The following PDXDC1 variants were observed in gnomAD, a reference collection of about 807,000 sequenced individuals.
PDXDC1 encodes pyridoxal dependent decarboxylase domain containing 1.
A neutral mutation model predicts 100.1 loss-of-function variants in PDXDC1; 42 were observed. The ratio of observed to expected loss-of-function variants is 0.42; its 90% CI spans 0.33 to 0.54. The LOEUF is 0.54. PDXDC1 is among the 20% of genes least tolerant of loss of function. The probability of loss-of-function intolerance (pLI) is 0.10; values close to 1 mark genes in which losing one functional copy is unlikely to be tolerated. For missense variants in PDXDC1, 636 were observed against 979.2 expected, an observed-to-expected ratio of 0.65 and a Z score of 4.68; for synonymous variants, 260 against 371.7, an observed-to-expected ratio of 0.70 and a Z score of 3.46.
intron 13 of PDXDC1, among the ~76,000 whole-genome samples, chr16:15,023,790 G>A (rs2042380103): frequency 6.6e-6 from 1 of 152,288 alleles, no homozygotes; most frequent in African/African-American, 2.4e-5. Flanking sequence ...TGGACCACTG[G>A]AGAAGCAGAA....
At chr16:15,035,092 C>T (rs929228128) in intron 21 of PDXDC1, among the ~76,000 whole-genome samples, 2 of 152,174 alleles carry the variant, frequency 1.3e-5, no homozygotes, top group Admixed American at 1.3e-4. Flanking sequence ...CATTCTTTCC[C>T]AGGAAACGAT....
downstream of PDXDC1, among the ~76,000 whole-genome samples, chr16:15,140,447 CAAAAAAAAAA>C (rs888007915): frequency 2.6e-5 from 1 of 39,080 alleles, no homozygotes; most frequent in African/African-American, 9.6e-5. Context: ...AGCTCCATCT[CAAAAAAAAAA>C]AAAAAAAAAA....
At chr16:15,071,051 G>A (rs2045203676) in intron 16 of PDXDC1, 1 of 1,365,206 alleles carries the variant, frequency 7.3e-7, no homozygotes, top group Admixed American at 2.2e-5. Flanking sequence ...AGATATTTCT[G>A]ACTTGAGACA....
chr16:15,089,146 T>C (rs1206921089), intron 16 of PDXDC1, among the ~76,000 whole-genome samples: 2 of 150,878 alleles, frequency 1.3e-5, no homozygotes, highest in Non-Finnish European at 3.0e-5. Flanking sequence ...CTACTGAAAA[T>C]ACAAAAAAAT....
intron 3 of PDXDC1, among the ~76,000 whole-genome samples, chr16:14,998,777 C>G (rs983327450): frequency 1.3e-5 from 2 of 152,266 alleles, no homozygotes; most frequent in Admixed American, 6.5e-5. Context: ...AAACCAGTGT[C>G]TTATCATCAT....
the PDXDC1 span, among the ~76,000 whole-genome samples, chr16:15,148,811 G>C: frequency 5.9e-5 from 9 of 152,080 alleles, no homozygotes; most frequent in Admixed American, 2.6e-4. Context: ...GTGGGCGCTC[G>C]GGTGCCCCAC....
rs1201199173 is a variant in PDXDC1 at position 14,988,640 on chromosome 16, G to T, written c.22-9113G>T. Reference sequence around the variant, plus strand: ...GCTGGCCACGGGACTCCACGGACTCGTGTAGGTAGGGCTTGCCCTCGGCAT... The same window carrying T: ...GCTGGCCACGGGACTCCACGGACTCTTGTAGGTAGGGCTTGCCCTCGGCAT... On this transcript the variant is annotated intron_variant, in intron 1 of 22. Transcript: ENST00000396410. The T allele has an allele frequency of 1.3e-5, 21 of 1,613,808 alleles. No homozygotes were observed. In the East Asian group the frequency reaches 4.5e-4, roughly 34 times the overall value.
intron 1 of PDXDC1, among the ~76,000 whole-genome samples, chr16:14,993,610 C>T (rs1429400955): frequency 3.3e-5 from 5 of 152,290 alleles, no homozygotes; most frequent in Admixed American, 3.3e-4. Flanking sequence ...CATACGTGTG[C>T]ATGTGTCTTT....
At chr16:15,019,587 A>G (rs1158740892) in intron 12 of PDXDC1, among the ~76,000 whole-genome samples, 1 of 152,284 alleles carries the variant, frequency 6.6e-6, no homozygotes, top group Non-Finnish European at 1.5e-5. Context: ...TCAAGGTGCC[A>G]GGAGATTCCA....
Position 15,037,854 on chromosome 16 carries a change from G to A in PDXDC1, c.*1579G>A. 5 of 518,808 alleles carry A rather than the reference G, an allele frequency of 9.6e-6. No individual in the cohort carries two copies. Among genetic ancestry groups the A allele is most frequent in the Non-Finnish European group, 1.7e-5 (5 of 295,548 alleles). 32.1% of individuals were successfully genotyped at this position (518,808 alleles called of 1,614,324 possible). ...AACCAAAAAATAAGTCTCAACAAAT[G>A]CCTTTGCCAAAATAAGGTTTTATTT... On this transcript the variant is annotated 3_prime_UTR_variant, in exon 23 of 23. Transcript: ENST00000396410.
In PDXDC1 at chr16:15,123,306, C is replaced by T. The variant is rs1310554449; in HGVS notation, c.1400-15573C>T. On this transcript the variant is annotated intron_variant, in intron 16 of 16. Coordinates refer to the PDXDC1 transcript ENST00000535621. The stretch of plus-strand genomic sequence containing the variant: ...CTTCACAAACCTGATTTCTGGTCCA[C>T]CCCAACCAGCTCCCTGTCCCTGCTT... The T allele has an allele frequency of 1.2e-5, 18 of 1,441,096 alleles. No homozygotes were observed. The East Asian group carries it at 4.2e-4, about 34-fold the overall frequency. 89.3% of individuals were successfully genotyped at this position (1,441,096 alleles called of 1,614,324 possible).
At chr16:15,104,604 G>C (rs549897340) in intron 16 of PDXDC1, 2 of 1,599,158 alleles carry the variant, frequency 1.3e-6, no homozygotes, top group Admixed American at 3.3e-5. Context: ...ACACTCCGCA[G>C]GTGTCTTGAG....
chr16:15,054,168 A>G (rs983534584), intron 16 of PDXDC1, among the ~76,000 whole-genome samples: 1 of 151,850 alleles, frequency 6.6e-6, no homozygotes, highest in Admixed American at 6.6e-5. Flanking sequence ...CGATGCCCTC[A>G]CCCTTCTTCT....
intron 16 of PDXDC1, among the ~76,000 whole-genome samples, chr16:15,089,087 G>C (rs2046018704): frequency 6.6e-6 from 1 of 151,962 alleles, no homozygotes; most frequent in South Asian, 2.1e-4. Flanking sequence ...TGGATCACTT[G>C]AGGTCAGGAG....
intron 8 of PDXDC1, among the ~76,000 whole-genome samples, chr16:15,011,609 A>C (rs1327239326): frequency 6.6e-6 from 1 of 152,292 alleles, no homozygotes; most frequent in South Asian, 2.1e-4. Context: ...GACTGGGAGA[A>C]ATATTTGCAA....
chr16:15,013,304 GTGCTAC>G (rs1326700701), intron 8 of PDXDC1, among the ~76,000 whole-genome samples: 2 of 145,730 alleles, frequency 1.4e-5, no homozygotes, highest in Non-Finnish European at 3.0e-5. Flanking sequence ...AGCCGAGATT[GTGCTAC>G]TGCACTTCAG....
intron 16 of PDXDC1, 54 bp from the exon 17 acceptor site, chr16:15,031,681 C>T (rs930184334): frequency 7.3e-6 from 11 of 1,507,016 alleles, no homozygotes; most frequent in Non-Finnish European, 1.0e-5. Flanking sequence ...GAGCCCTGCC[C>T]TCTTGTCATT....
At position 15,104,712 on chromosome 16, in the gene PDXDC1, C is replaced by T. The variant is rs200966838; in HGVS notation, c.1400-34167C>T. 2.1e-4 allele frequency: 329 copies of T among 1,596,594 alleles called. 1 individual carries two copies. Among genetic ancestry groups the T allele is most frequent in the East Asian group, 9.8e-4 (44 of 44,850 alleles). ...AGTTTCAGCTGTGAGGTAGGGCCAG[C>T]AGGGCAATCCTGAAGAATGACGATG... On this transcript the variant is annotated intron_variant, in intron 16 of 16. Coordinates refer to the PDXDC1 transcript ENST00000535621.
intron 16 of PDXDC1, among the ~76,000 whole-genome samples, chr16:15,075,367 A>G (rs1361507943): frequency 1.3e-5 from 2 of 151,768 alleles, no homozygotes; most frequent in Non-Finnish European, 2.9e-5. Flanking sequence ...GAGCTCAGGA[A>G]CTTGAGACCA....
Sources: allele counts gnomAD v4.1 joint callset (sites outside exome capture counted in the v4.1 genomes callset), GRCh38; gene constraint gnomAD v4.1.1; transcripts MANE v1.5; gene names NCBI Gene and HGNC (gene_info 2026-07-23, HGNC 2026-07-21).